Variants in ERG observed in about 807,000 individuals in gnomAD.
ERG encodes the protein transcriptional regulator ERG.
Under a neutral mutation model 55.3 loss-of-function variants are expected in ERG, and 9 were observed. The ratio of observed to expected loss-of-function variants is 0.16; its 90% CI spans 0.10 to 0.28. ERG has a LOEUF of 0.28. Among genes scored for constraint, ERG ranks in the 10% least tolerant of loss-of-function variants. The pLI, the probability that ERG is intolerant of heterozygous loss-of-function variation, is 1.00. For missense variants in ERG, 434 were observed against 631.6 expected (o/e 0.69, Z 3.35); for synonymous variants, 223 against 237.3 (o/e 0.94, Z 0.55).
At chr21:38,589,193 G>T (rs976001965), upstream of ERG, among the ~76,000 whole-genome samples, 13 of 152,266 alleles carry the variant, frequency 8.5e-5, no homozygotes, top group African/African-American at 2.6e-4. Flanking sequence ...CTCCAGAAAA[G>T]CTACCCTCAC....
At chr21:38,429,903 T>C (rs1412654880) in intron 2 of ERG, among the ~76,000 whole-genome samples, 2 of 152,164 alleles carry the variant, frequency 1.3e-5, no homozygotes, top group Admixed American at 6.5e-5. Context: ...AGTGGTGGGA[T>C]TGCTGGATCA....
At chr21:38,637,590 T>C (rs530336140) in intron 1 of ERG, among the ~76,000 whole-genome samples, 1 of 152,218 alleles carries the variant, frequency 6.6e-6, no homozygotes, top group South Asian at 2.1e-4. Flanking sequence ...GTCTACAGGA[T>C]CCTAAGAAAG....
intron 3 of ERG, among the ~76,000 whole-genome samples, chr21:38,414,455 A>G (rs1989193611): frequency 6.6e-6 from 1 of 152,240 alleles, no homozygotes; most frequent in Non-Finnish European, 1.5e-5. Context: ...CTGCCAGTCT[A>G]TATCTTGAGT....
intron 1 of ERG, among the ~76,000 whole-genome samples, chr21:38,473,159 CAAAAAAAAAAA>C (rs33994175): frequency 9.4e-6 from 1 of 106,054 alleles, no homozygotes; most frequent in African/African-American, 4.0e-5. Flanking sequence ...AGGATGCGCT[CAAAAAAAAAAA>C]AAAAAAAAAG....
chr21:38,585,757 G>A (rs1430480218), upstream of ERG, among the ~76,000 whole-genome samples: 1 of 151,874 alleles, frequency 6.6e-6, no homozygotes, highest in Non-Finnish European at 1.5e-5. Context: ...TGGTTCCACA[G>A]GCCAGTTGAC....
At chr21:38,489,981 A>T (rs1021002992) in intron 1 of ERG, among the ~76,000 whole-genome samples, 3 of 152,242 alleles carry the variant, frequency 2.0e-5, no homozygotes, top group Admixed American at 6.5e-5. Context: ...GGAGAATAAG[A>T]AGAATAGGGA....
chr21:38,543,855 G>C (rs2059771028), intron 2 of ERG, among the ~76,000 whole-genome samples: 2 of 151,082 alleles, frequency 1.3e-5, no homozygotes, highest in African/African-American at 4.9e-5. Flanking sequence ...TCCTGCCTCA[G>C]CCTCCCAAGT....
intron 1 of ERG, among the ~76,000 whole-genome samples, chr21:38,456,301 T>C (rs933854133): frequency 1.3e-5 from 2 of 152,222 alleles, no homozygotes; most frequent in African/African-American, 2.4e-5. Flanking sequence ...AGGTATCTCC[T>C]TCTGTGCTAA....
intron 1 of ERG, among the ~76,000 whole-genome samples, chr21:38,630,244 G>A (rs2060349058): frequency 6.6e-6 from 1 of 152,158 alleles, no homozygotes; most frequent in Non-Finnish European, 1.5e-5. Context: ...CTTAAAAATA[G>A]ATAAATGATA....
At chr21:38,494,253 G>C (rs2059362174) in intron 1 of ERG, among the ~76,000 whole-genome samples, 1 of 152,194 alleles carries the variant, frequency 6.6e-6, no homozygotes, top group Non-Finnish European at 1.5e-5. Context: ...GGCTCTCCTT[G>C]AGGTAGCTCC....
At position 38,417,526 on chromosome 21, in the gene ERG, C is replaced by T. The variant is rs534038657; in HGVS notation, c.388+5884G>A. Among the ~76,000 whole-genome samples the T allele has an allele frequency of 2.6e-4, 40 of 152,324 alleles. No homozygotes were observed. The East Asian group carries it at 7.5e-3, about 29-fold the overall frequency. ...AAAAGAGGCCAGGCCCGGTGGCTCA[C>T]GCCTGTAATCCCAGCACTTTGGGTG... On this transcript the variant is annotated intron_variant, in intron 3 of 9. Coordinates refer to ENST00000288319, the MANE Select transcript of ERG (RefSeq NM_182918.4).
intron 1 of ERG, among the ~76,000 whole-genome samples, chr21:38,592,428 G>A (rs146631953): frequency 2.0e-5 from 3 of 152,346 alleles, no homozygotes; most frequent in African/African-American, 7.2e-5. Flanking sequence ...CCTGTGATGA[G>A]AGGAGAAACC....
intron 2 of ERG, among the ~76,000 whole-genome samples, chr21:38,537,427 T>C (rs1331265457): frequency 1.0e-5 from 1 of 98,850 alleles, no homozygotes; most frequent in Non-Finnish European, 2.1e-5. Context: ...AAGGGATTAA[T>C]ATCCAGAAAA....
In ERG at chr21:38,435,287, T is replaced by C. The variant is rs34095204; in HGVS notation, c.236+10117A>G. Among the ~76,000 whole-genome samples the C allele has an allele frequency of 3.7e-3, 557 of 152,250 alleles. 3 individuals carry two copies. Among genetic ancestry groups the C allele is most frequent in the Non-Finnish European group, 5.9e-3 (400 of 68,000 alleles). Reference sequence around the variant, plus strand: ...TCAAGTTTCATAGTGTGAATCGAGGTCAGTCACCACAAAAGGTATTTTTAG... The same window carrying C: ...TCAAGTTTCATAGTGTGAATCGAGGCCAGTCACCACAAAAGGTATTTTTAG... On this transcript the variant is annotated intron_variant, in intron 2 of 9. Transcript: ENST00000288319.
rs577857456 is a variant in ERG, at chr21:38,515,352, A to G, written c.-41+60310T>C. ...GAAATGGATACATTTCTGAACACAT[A>G]CAACCTGCCAAGATTGAATCAGAAA... On this transcript the variant is annotated intron_variant, in intron 2 of 8. Coordinates refer to the ERG transcript ENST00000398897. Among the ~76,000 whole-genome samples, 10 of 152,152 alleles carry G rather than the reference A, an allele frequency of 6.6e-5. No homozygotes were observed. The South Asian group carries it at 2.1e-3, about 32-fold the overall frequency.
intron 1 of ERG, among the ~76,000 whole-genome samples, chr21:38,612,844 G>A (rs766450042): frequency 5.3e-5 from 8 of 151,954 alleles, no homozygotes; most frequent in Non-Finnish European, 8.8e-5. Flanking sequence ...TGTATTTTTA[G>A]TAGAGATGGG....
intron 1 of ERG, among the ~76,000 whole-genome samples, chr21:38,475,562 G>A (rs2059179393): frequency 6.6e-6 from 1 of 152,078 alleles, no homozygotes; most frequent in Non-Finnish European, 1.5e-5. Context: ...CATTCCCCTG[G>A]TCCGCATCAC....
At chr21:38,644,904 C>T (rs1324186924) in intron 1 of ERG, among the ~76,000 whole-genome samples, 1 of 152,088 alleles carries the variant, frequency 6.6e-6, no homozygotes, top group African/African-American at 2.4e-5. Flanking sequence ...TGCCTGTAAT[C>T]CTAGCATTTT....
intron 1 of ERG, among the ~76,000 whole-genome samples, chr21:38,451,880 G>A (rs534380639): frequency 5.9e-5 from 9 of 152,158 alleles, no homozygotes; most frequent in Non-Finnish European, 7.4e-5. Flanking sequence ...ACAAAAAAGC[G>A]AAACGTGGTA....
Sources: allele counts gnomAD v4.1 joint callset (sites outside exome capture counted in the v4.1 genomes callset), GRCh38; gene constraint gnomAD v4.1.1; transcripts MANE v1.5; gene names NCBI Gene and HGNC (gene_info 2026-07-23, HGNC 2026-07-21).